The following ICA1 variants were observed in gnomAD, a reference collection of about 807,000 sequenced individuals.
The protein encoded by ICA1 is 69 kDa islet cell autoantigen.
In ICA1, 40 loss-of-function variants were observed where a neutral mutation model predicts 71.0. The observed-to-expected ratio is 0.56, with a 90% CI of 0.44 to 0.73. ICA1 has a LOEUF of 0.73. Ranked by LOEUF, ICA1 falls within the 30% of genes least tolerant of loss-of-function variation. The pLI, the probability that ICA1 is intolerant of heterozygous loss-of-function variation, is 0.00. For synonymous variants in ICA1, 207 were observed against 209.5 expected (o/e 0.99, Z 0.10); for missense variants, 578 against 576.5 (o/e 1.00, Z -0.03).
chr7:8,261,854 G>T (rs1012903013), intron 1 of ICA1: 19 of 152,266 alleles, frequency 1.2e-4, no homozygotes, highest in African/African-American at 4.6e-4. Context: ...CGCTCTCACG[G>T]CGCGCGCATC....
At chr7:8,206,607 G>A (rs112642301) in intron 6 of ICA1, among the ~76,000 whole-genome samples, 2 of 151,970 alleles carry the variant, frequency 1.3e-5, no homozygotes, top group African/African-American at 4.8e-5. Context: ...AGGAAAAGGC[G>A]TATGGTGAAA....
At chr7:8,241,105 C>T (rs1189441226) in intron 1 of ICA1, among the ~76,000 whole-genome samples, 1 of 152,062 alleles carries the variant, frequency 6.6e-6, no homozygotes, top group African/African-American at 2.4e-5. Context: ...CCCCAAGACA[C>T]ATAACTGTCA....
At chr7:8,243,236 TC>T (rs1804657806) in intron 1 of ICA1, among the ~76,000 whole-genome samples, 2 of 152,166 alleles carry the variant, frequency 1.3e-5, no homozygotes, top group South Asian at 4.1e-4. Context: ...GTCGGCTTCA[TC>T]CCTGGAATGC....
At chr7:8,137,162 G>T (rs1486236069) in intron 12 of ICA1, among the ~76,000 whole-genome samples, 2 of 151,270 alleles carry the variant, frequency 1.3e-5, no homozygotes, top group African/African-American at 4.9e-5. Context: ...ATAGGGAGGG[G>T]GTTAAGGAAG....
chr7:8,158,326 T>G, intron 7 of ICA1: 1 of 577,870 alleles, frequency 1.7e-6, no homozygotes, highest in Admixed American at 3.3e-5. Flanking sequence ...AAGTGGGAAA[T>G]TATGGTATAT....
chr7:8,142,553 G>A (rs901277165), intron 9 of ICA1, among the ~76,000 whole-genome samples: 2 of 152,220 alleles, frequency 1.3e-5, no homozygotes, highest in Non-Finnish European at 2.9e-5. Context: ...TATTTTGATT[G>A]TATGAACTTA....
intron 8 of ICA1, 161 bp downstream of exon 8, chr7:8,156,933 AAAAAAAAAAAAAAAAAAAAAAG>A (rs771007393): frequency 2.1e-5 from 23 of 1,089,084 alleles, no homozygotes; most frequent in Non-Finnish European, 2.6e-5. Context: ...ATGCAGTAAA[AAAAAAAAAAAAAAAAAAAAAAG>A]AAAGAAAGAA....
rs1487372677 is a variant in ICA1 at position 8,234,610 on chromosome 7, A to C, written c.17+1300T>G. On this transcript the variant is annotated intron_variant, in intron 2 of 13. Coordinates refer to ENST00000402384, the MANE Select transcript of ICA1 (RefSeq NM_001136020.3). The surrounding 1 kb of genome is among the most constrained non-coding windows in gnomAD (Gnocchi z 4.5). The stretch of plus-strand genomic sequence containing the variant: ...TACACATTTATTCTTAAAAAGCCAG[A>C]AGGCATTTCTGATGACTTCCTTAAC... 6.6e-6 allele frequency among the ~76,000 whole-genome samples: 1 copy of C among 152,234 alleles called. No homozygotes were observed.
chr7:8,136,533 G>T lies in ICA1; in HGVS notation c.1060+2307C>A, dbSNP rs954227018. ...AGAATATTTTTATTCTACCGACCAC[G>T]TTAATATTTAAGCCGACGCTACCCT... On this transcript the variant is annotated intron_variant, in intron 12 of 13. Coordinates refer to ENST00000402384, the MANE Select transcript of ICA1 (RefSeq NM_001136020.3). 5.3e-5 allele frequency among the ~76,000 whole-genome samples: 8 copies of T among 152,266 alleles called. No homozygotes were observed. The East Asian group carries it at 1.5e-3, about 29-fold the overall frequency.
chr7:8,125,974 C>T (rs994048725), intron 13 of ICA1, among the ~76,000 whole-genome samples: 1 of 152,252 alleles, frequency 6.6e-6, no homozygotes, highest in Non-Finnish European at 1.5e-5. Context: ...CCCATGGCCG[C>T]TGCCCTTGTC....
chr7:8,157,285 T>C, intron 7 of ICA1, 71 bp from the exon 8 acceptor site: 13 of 1,361,220 alleles, frequency 9.6e-6, no homozygotes, highest in Non-Finnish European at 1.3e-5. Context: ...CAGGGAAGTA[T>C]GACTCTCTGT....
At chr7:8,205,482 C>T (rs1292881542) in intron 6 of ICA1, among the ~76,000 whole-genome samples, 2 of 152,126 alleles carry the variant, frequency 1.3e-5, no homozygotes, top group Non-Finnish European at 1.5e-5. Flanking sequence ...CAATCCATAA[C>T]ATGCACACAA....
intron 12 of ICA1, among the ~76,000 whole-genome samples, chr7:8,129,718 T>C (rs567240747): frequency 1.1e-4 from 16 of 152,280 alleles, no homozygotes; most frequent in East Asian, 5.8e-4. Flanking sequence ...TTATTATTAT[T>C]ATACTTTAAG....
intron 9 of ICA1, 184 bp from the exon 10 acceptor site, chr7:8,142,001 T>C: frequency 6.7e-7 from 1 of 1,495,124 alleles, no homozygotes; most frequent in South Asian, 1.2e-5. Context: ...TCCCTTTCTG[T>C]AGCATCTTAA....
At chr7:8,203,571 C>A (rs867038255) in intron 6 of ICA1, among the ~76,000 whole-genome samples, 2 of 152,138 alleles carry the variant, frequency 1.3e-5, no homozygotes, top group Admixed American at 1.3e-4. Flanking sequence ...CCACCCCAGG[C>A]CTCCAGAATC....
chr7:8,157,282 G>T, intron 7 of ICA1, 68 bp from the exon 8 acceptor site: 1 of 1,383,292 alleles, frequency 7.2e-7, no homozygotes, highest in Non-Finnish European at 9.9e-7. Context: ...CCCCAGGGAA[G>T]TATGACTCTC....
At chr7:8,258,118 C>G (rs1810878010) in intron 1 of ICA1, among the ~76,000 whole-genome samples, 1 of 152,144 alleles carries the variant, frequency 6.6e-6, no homozygotes, top group East Asian at 1.9e-4. Context: ...CCGCCCTGGG[C>G]TGCATTACCA....
chr7:8,157,363 A>C, intron 7 of ICA1, 149 bp from the exon 8 acceptor site: 3 of 779,520 alleles, frequency 3.8e-6, no homozygotes, highest in Non-Finnish European at 3.9e-6. Context: ...CCCCAATTAC[A>C]CTCTGTATTT....
At chr7:8,151,938 A>G (rs1157862419) in intron 8 of ICA1, among the ~76,000 whole-genome samples, 2 of 152,202 alleles carry the variant, frequency 1.3e-5, no homozygotes, top group African/African-American at 4.8e-5. Flanking sequence ...TTACGTTTTC[A>G]AATTCAGGTT....
Sources: gnomAD v4.1 joint callset for allele counts (sites outside exome capture counted in the v4.1 genomes callset) on GRCh38, gnomAD v4.1.1 for gene constraint, Gnocchi (gnomAD v3.1) non-coding constraint, MANE v1.5 for transcripts, NCBI Gene and HGNC (gene_info 2026-07-23, HGNC 2026-07-21) for gene names.